Variants in LRRC1 observed in about 807,000 individuals in gnomAD.
LRRC1 encodes the protein leucine rich repeat containing 1.
Under a neutral mutation model 69.9 loss-of-function variants are expected in LRRC1, and 28 were observed. The ratio of observed to expected loss-of-function variants is 0.40; its 90% CI spans 0.30 to 0.55. The LOEUF is 0.55. LRRC1 is among the 20% of genes least tolerant of loss of function. The pLI, the probability that LRRC1 is intolerant of heterozygous loss-of-function variation, is 0.47. For missense variants in LRRC1, 498 were observed against 609.0 expected (o/e 0.82, Z 1.92); for synonymous variants, 236 against 240.2 (o/e 0.98, Z 0.16).
intron 3 of LRRC1, 61 bp downstream of exon 3, chr6:53,879,132 C>T (rs183518480): frequency 7.9e-6 from 9 of 1,137,582 alleles, no homozygotes; most frequent in African/African-American, 3.0e-5. Context: ...GAGAGCCAAG[C>T]GGAGAACACA....
intron 2 of LRRC1, among the ~76,000 whole-genome samples, chr6:53,878,211 C>A (rs1210434247): frequency 1.3e-5 from 2 of 152,172 alleles, no homozygotes; most frequent in Non-Finnish European, 2.9e-5. Context: ...CCTCCCACAA[C>A]ACATGGGAAT....
intron 1 of LRRC1, among the ~76,000 whole-genome samples, chr6:53,810,834 G>A (rs1047441093): frequency 6.6e-6 from 1 of 152,162 alleles, no homozygotes; most frequent in African/African-American, 2.4e-5. Flanking sequence ...TGTCCATTCT[G>A]CTCAGAATGC....
At chr6:53,876,988 G>A (rs1246783651) in intron 2 of LRRC1, among the ~76,000 whole-genome samples, 1 of 152,202 alleles carries the variant, frequency 6.6e-6, no homozygotes, top group Non-Finnish European at 1.5e-5. Flanking sequence ...TTTCCTTTCT[G>A]TACTGCCCTA....
intron 3 of LRRC1, among the ~76,000 whole-genome samples, chr6:53,882,349 A>G (rs1415774526): frequency 1.3e-5 from 2 of 152,208 alleles, no homozygotes; most frequent in Non-Finnish European, 2.9e-5. Context: ...CTCCATCTCA[A>G]AAAGAAAGGA....
intron 1 of LRRC1, among the ~76,000 whole-genome samples, chr6:53,820,305 G>A (rs1307531251): frequency 2.0e-5 from 3 of 151,128 alleles, no homozygotes; most frequent in Non-Finnish European, 4.4e-5. Flanking sequence ...ACTTCTTTGA[G>A]CTTCCATCCC....
chr6:53,875,507 A>G (rs1767037181), intron 2 of LRRC1, among the ~76,000 whole-genome samples: 1 of 152,146 alleles, frequency 6.6e-6, no homozygotes, highest in Non-Finnish European at 1.5e-5. Context: ...ATCACAATAA[A>G]AGATTACCTC....
chr6:53,882,150 C>A (rs995264072), intron 3 of LRRC1, among the ~76,000 whole-genome samples: 4 of 152,106 alleles, frequency 2.6e-5, no homozygotes, highest in African/African-American at 9.7e-5. Flanking sequence ...AGTTTGAGAC[C>A]AGCCTGACCA....
intron 6 of LRRC1, 68 bp from the exon 7 acceptor site, chr6:53,897,213 GTTTC>G (rs749288649): frequency 9.7e-7 from 1 of 1,026,260 alleles, no homozygotes; most frequent in Non-Finnish European, 1.5e-6. Flanking sequence ...GATGAATTCA[GTTTC>G]TTTCTTTCTT....
At chr6:53,813,358 G>A (rs1764852274) in intron 1 of LRRC1, among the ~76,000 whole-genome samples, 1 of 152,020 alleles carries the variant, frequency 6.6e-6, no homozygotes, top group Non-Finnish European at 1.5e-5. Flanking sequence ...GCTCCATGAG[G>A]GACCAAAAAA....
rs1389214223 is a variant in LRRC1 at position 53,924,044 on chromosome 6, G to C, written c.*1251G>C. On this transcript the variant is annotated 3_prime_UTR_variant, in exon 14 of 14. Transcript: ENST00000370888. ...TGCTGTGATAAAAGAGAAATGAAAA[G>C]TGCCAGTCACTGTGTGGTGTCTAGG... is the stretch of plus-strand genomic sequence containing the variant. 6.6e-6 allele frequency: 1 copy of C among 152,652 alleles called. No homozygotes were observed. Among genetic ancestry groups the C allele is most frequent in the Non-Finnish European group, 1.5e-5 (1 of 68,038 alleles). The allele number at this position is 152,652 out of a possible 1,614,324, so 9.5% of individuals were successfully genotyped here.
chr6:53,883,840 C>T, intron 4 of LRRC1: 1 of 700,128 alleles, frequency 1.4e-6, no homozygotes, highest in South Asian at 1.5e-5. Flanking sequence ...TTGAGAACCA[C>T]AGTAAGCAGT....
intron 1 of LRRC1, among the ~76,000 whole-genome samples, chr6:53,801,075 G>A (rs527835447): frequency 2.0e-5 from 3 of 152,350 alleles, no homozygotes; most frequent in African/African-American, 7.2e-5. Context: ...AGGAACAGAT[G>A]TGAACTTATT....
At position 53,922,814 on chromosome 6, in the gene LRRC1, C is replaced by A; in HGVS notation, c.*21C>A. The A allele has an allele frequency of 6.2e-6, 10 of 1,607,538 alleles. No individual in the cohort carries two copies. The highest frequency in any genetic ancestry group is 1.1e-5 in the South Asian group (1 of 90,226). On this transcript the variant is annotated 3_prime_UTR_variant, in exon 14 of 14. Transcript: ENST00000370888. ...TGTAGAGTTTCACCTCCAAGTTTTA[C>A]CTCCTGTGTCTTCCTCTGCTGTCGA...
chr6:53,825,860 T>C (rs1323703939), intron 1 of LRRC1, among the ~76,000 whole-genome samples: 1 of 152,124 alleles, frequency 6.6e-6, no homozygotes, highest in African/African-American at 2.4e-5. Context: ...CTTTATGCTG[T>C]CTTTTTATGG....
At chr6:53,861,647 A>G (rs984675695) in intron 2 of LRRC1, among the ~76,000 whole-genome samples, 1 of 152,000 alleles carries the variant, frequency 6.6e-6, no homozygotes, top group Non-Finnish European at 1.5e-5. Context: ...ACTATTGAGA[A>G]TCAGTGTTCT....
chr6:53,856,131 A>G lies in LRRC1; in HGVS notation c.277+13904A>G, dbSNP rs544012463. Among the ~76,000 whole-genome samples, 6 of 152,366 alleles carry G rather than the reference A, an allele frequency of 3.9e-5. No homozygotes were observed. The South Asian group carries it at 1.2e-3, about 32-fold the overall frequency. Reference sequence around the variant, plus strand: ...GTTCTAAATAAAGGCCACATATTTCATTATGAATAGCACAGCAAGCAATAG... The same window carrying G: ...GTTCTAAATAAAGGCCACATATTTCGTTATGAATAGCACAGCAAGCAATAG... On this transcript the variant is annotated intron_variant, in intron 2 of 13. Coordinates refer to ENST00000370888, the MANE Select transcript of LRRC1 (RefSeq NM_018214.5).
At chr6:53,896,416 C>A in intron 4 of LRRC1, 82 bp from the exon 5 acceptor site, 1 of 1,151,086 alleles carries the variant, frequency 8.7e-7, no homozygotes, top group Non-Finnish European at 1.3e-6. Context: ...TGCAACTTGT[C>A]CAGTGTGTGT....
intron 1 of LRRC1, among the ~76,000 whole-genome samples, chr6:53,805,446 T>A (rs1764610911): frequency 6.6e-6 from 1 of 152,162 alleles, no homozygotes; most frequent in Non-Finnish European, 1.5e-5. Context: ...GTCATTAACT[T>A]GTGATGTCTG....
chr6:53,899,634 G>C (rs1200767208), intron 7 of LRRC1, 113 bp from the exon 8 acceptor site: 2 of 1,001,058 alleles, frequency 2.0e-6, no homozygotes, highest in African/African-American at 3.3e-5. Flanking sequence ...TCATGCTAAA[G>C]ATAACATCCT....
Sources: allele counts gnomAD v4.1 joint callset (sites outside exome capture counted in the v4.1 genomes callset), GRCh38; gene constraint gnomAD v4.1.1; transcripts MANE v1.5; gene names NCBI Gene and HGNC (gene_info 2026-07-23, HGNC 2026-07-21).